The following ZNF33A variants were observed in gnomAD, a reference collection of about 807,000 sequenced individuals.
ZNF33A encodes the protein zinc finger protein 33A.
Under a neutral mutation model 15.9 loss-of-function variants are expected in ZNF33A, and 9 were observed. The observed-to-expected ratio is 0.57, with a 90% CI of 0.34 to 0.99. The LOEUF (loss-of-function observed/expected upper bound fraction) is 0.99. Ranked by LOEUF, ZNF33A falls within the 50% of genes least tolerant of loss-of-function variation. The probability of loss-of-function intolerance (pLI) is 0.02; values close to 1 mark genes in which losing one functional copy is unlikely to be tolerated. For missense variants in ZNF33A, 843 were observed against 941.6 expected (o/e 0.90, Z 1.37); for synonymous variants, 294 against 324.2 (o/e 0.91, Z 1.00).
At chr10:38,035,741 A>G (rs2065422110) in intron 4 of ZNF33A, among the ~76,000 whole-genome samples, 1 of 152,210 alleles carries the variant, frequency 6.6e-6, no homozygotes, top group Admixed American at 6.5e-5. Context: ...GAAATACACA[A>G]ACTACCAAGA....
At chr10:38,029,108 A>C (rs1209591312) in intron 4 of ZNF33A, among the ~76,000 whole-genome samples, 1 of 152,146 alleles carries the variant, frequency 6.6e-6, no homozygotes, top group Non-Finnish European at 1.5e-5. Context: ...ACATACAGTG[A>C]CCCTGGCTTT....
chr10:38,048,834 C>T (rs2066071609), intron 4 of ZNF33A, among the ~76,000 whole-genome samples: 2 of 151,984 alleles, frequency 1.3e-5, no homozygotes, highest in South Asian at 2.1e-4. Context: ...GTTTTAGCAT[C>T]CTTTTAATAA....
At chr10:38,016,128 AATATGTATTGCG>A in intron 2 of ZNF33A, 2 of 693,592 alleles carry the variant, frequency 2.9e-6, no homozygotes, top group Non-Finnish European at 4.0e-6. Flanking sequence ...TAGAACCCAG[AATATGTATTGCG>A]ATGAAGAAAA....
At chr10:38,042,592 C>T (rs1242145240) in intron 4 of ZNF33A, among the ~76,000 whole-genome samples, 3 of 147,074 alleles carry the variant, frequency 2.0e-5, no homozygotes, top group Admixed American at 7.0e-5. Flanking sequence ...TCTGAGTCAT[C>T]GAGGCTGGAG....
intron 4 of ZNF33A, among the ~76,000 whole-genome samples, chr10:38,040,125 C>T (rs544201542): frequency 2.3e-4 from 35 of 150,620 alleles, no homozygotes; most frequent in South Asian, 1.3e-3. Context: ...TTTTTAACTT[C>T]GGAATATGTT....
intron 4 of ZNF33A, among the ~76,000 whole-genome samples, chr10:38,040,064 A>C (rs1267304296): frequency 1.3e-5 from 2 of 151,704 alleles, no homozygotes; most frequent in Non-Finnish European, 1.5e-5. Flanking sequence ...CTTCATTTTT[A>C]TCTCAAAGCA....
chr10:38,012,588 C>T (rs532148360), intron 2 of ZNF33A, among the ~76,000 whole-genome samples: 1 of 152,008 alleles, frequency 6.6e-6, no homozygotes, highest in African/African-American at 2.4e-5. Flanking sequence ...CATGCTGCCA[C>T]GCCTGGCTAA....
At chr10:38,019,185 T>G (rs1463391071) in intron 4 of ZNF33A, among the ~76,000 whole-genome samples, 3 of 151,474 alleles carry the variant, frequency 2.0e-5, no homozygotes, top group Non-Finnish European at 4.4e-5. Flanking sequence ...CCTTCCTGTG[T>G]CCATGTGTTC....
chr10:38,054,750 A>G lies in ZNF33A; in HGVS notation c.626A>G (p.His209Arg), dbSNP rs1301983447. ...AGTCATCATGAGGAGACTTTGCAGC[A>G]TGAGAAGATTCAAACTTTAGAGCAC... Reference protein sequence around the residue: ...TLSHHEETLQHEKIQTLEHNF... With the variant: ...TLSHHEETLQREKIQTLEHNF... The change falls in exon 5 of 5, where the codon CAT becomes CGT. Residue 209 changes from histidine (H) to arginine (R), a missense_variant. By Grantham distance (29) the His-to-Arg change is conservative. Coordinates refer to ENST00000432900, the MANE Select transcript of ZNF33A (RefSeq NM_006954.2). 1.2e-6 allele frequency: 2 copies of G among 1,613,636 alleles called. No individual in the cohort carries two copies. Among genetic ancestry groups the G allele is most frequent in the Non-Finnish European group, 1.7e-6 (2 of 1,179,926 alleles).
At chr10:38,015,360 A>G (rs1364716441) in intron 2 of ZNF33A, among the ~76,000 whole-genome samples, 1 of 151,830 alleles carries the variant, frequency 6.6e-6, no homozygotes, top group Non-Finnish European at 1.5e-5. Flanking sequence ...GCTGGAGTGT[A>G]GTGGTGCTGA....
intron 4 of ZNF33A, among the ~76,000 whole-genome samples, chr10:38,038,202 G>A (rs893025305): frequency 2.0e-5 from 3 of 151,838 alleles, no homozygotes; most frequent in African/African-American, 7.3e-5. Context: ...GTGCGATCTC[G>A]GCTCACTGCG....
downstream of ZNF33A, among the ~76,000 whole-genome samples, chr10:38,060,937 ATGACT>A (rs1346964287): frequency 6.6e-6 from 1 of 152,024 alleles, no homozygotes; most frequent in Non-Finnish European, 1.5e-5. Flanking sequence ...GTATCCCTTC[ATGACT>A]TGACTTGGGC....
intron 2 of ZNF33A, among the ~76,000 whole-genome samples, chr10:38,012,729 G>C (rs1466004371): frequency 6.6e-6 from 1 of 152,168 alleles, no homozygotes; most frequent in Admixed American, 6.5e-5. Context: ...ACCGTGTCTG[G>C]CCAAGAGTCA....
chr10:38,065,029 GCCT>G (rs1425506609), downstream of ZNF33A: 2 of 152,026 alleles, frequency 1.3e-5, no homozygotes, highest in South Asian at 2.1e-4. Context: ...CCCTGTGGCT[GCCT>G]CCTCCTTACT....
At chr10:38,035,537 C>T (rs650873) in intron 4 of ZNF33A, among the ~76,000 whole-genome samples, 133,542 of 152,256 alleles carry the variant, frequency 0.88, 58,695 homozygotes, top group South Asian at 0.94. Context: ...ACAGTACTTA[C>T]GTGCAGATTT....
In ZNF33A at chr10:38,056,613, C is replaced by G; in HGVS notation, c.*53C>G. 1 of 1,509,602 alleles carries G rather than the reference C, an allele frequency of 6.6e-7. No homozygotes were observed. Among genetic ancestry groups the G allele is most frequent in the Non-Finnish European group, 8.8e-7 (1 of 1,135,846 alleles). 93.5% of individuals were successfully genotyped at this position (1,509,602 alleles called of 1,614,324 possible). ...CCAAAGTAATAGTAGGGGATAAACC[C>G]ATAGACTACAACAATTATAGGACAG... is the stretch of plus-strand genomic sequence containing the variant. On this transcript the variant is annotated 3_prime_UTR_variant, in exon 5 of 5. Transcript: ENST00000432900.
chr10:38,012,245 G>A, intron 1 of ZNF33A, 53 bp from the exon 2 acceptor site: 1 of 1,587,314 alleles, frequency 6.3e-7, no homozygotes, highest in South Asian at 1.1e-5. Flanking sequence ...GAATCCAGGA[G>A]TTGCCAGGCA....
intron 4 of ZNF33A, among the ~76,000 whole-genome samples, chr10:38,047,173 T>G (rs1227472422): frequency 1.1e-5 from 1 of 91,944 alleles, no homozygotes; most frequent in Admixed American, 1.7e-4. Context: ...AGTGAGACCG[T>G]CTCCCCCCAC....
At chr10:38,044,312 A>C (rs759894221) in intron 4 of ZNF33A, among the ~76,000 whole-genome samples, 7 of 151,380 alleles carry the variant, frequency 4.6e-5, no homozygotes, top group Non-Finnish European at 1.0e-4. Context: ...GGTTCATGCA[A>C]TTCTCTTGCC....
Sources: allele counts gnomAD v4.1 joint callset (sites outside exome capture counted in the v4.1 genomes callset), GRCh38; gene constraint gnomAD v4.1.1; transcripts MANE v1.5; gene names NCBI Gene and HGNC (gene_info 2026-07-23, HGNC 2026-07-21).